NRCAM: variants seen among roughly 807,000 people sequenced by gnomAD.
NRCAM encodes NgCAM-related cell adhesion molecule.
In NRCAM, 83 loss-of-function variants were observed where a neutral mutation model predicts 156.5. The observed-to-expected ratio is 0.53, with a 90% CI of 0.44 to 0.64. The LOEUF is 0.64. Among genes scored for constraint, NRCAM ranks in the 30% least tolerant of loss-of-function variants. The pLI is 0.00. For synonymous variants in NRCAM, 538 were observed against 563.9 expected (o/e 0.95, Z 0.65); for missense variants, 1,417 against 1,597.3 (o/e 0.89, Z 1.92).
At chr7:108,321,950 T>C (rs2099007010) in intron 2 of NRCAM, among the ~76,000 whole-genome samples, 1 of 152,180 alleles carries the variant, frequency 6.6e-6, no homozygotes. Context: ...AAAAATATAG[T>C]AAAGCAGATT....
chr7:108,169,684 C>T (rs546446741), intron 28 of NRCAM, among the ~76,000 whole-genome samples: 19 of 152,180 alleles, frequency 1.2e-4, no homozygotes, highest in Non-Finnish European at 1.6e-4. Flanking sequence ...CTTCTGTGGA[C>T]CTAATTAATT....
At chr7:108,334,420 T>C (rs1593884070) in intron 2 of NRCAM, among the ~76,000 whole-genome samples, 1 of 152,204 alleles carries the variant, frequency 6.6e-6, no homozygotes. Context: ...ATCCATCCCC[T>C]ACCTACGACT....
chr7:108,217,584 G>C (rs909382186), intron 11 of NRCAM, among the ~76,000 whole-genome samples: 36 of 152,336 alleles, frequency 2.4e-4, no homozygotes, highest in African/African-American at 8.4e-4. Context: ...GCCTTTGACT[G>C]GGGCTGCTGC....
At chr7:108,277,933 C>T (rs774194661) in intron 3 of NRCAM, among the ~76,000 whole-genome samples, 55 of 152,146 alleles carry the variant, frequency 3.6e-4, no homozygotes, top group Admixed American at 2.3e-3. Context: ...ATGTAGATGT[C>T]CTTTTCATTG....
chr7:108,446,781 G>T (rs1334083198), intron 1 of NRCAM, among the ~76,000 whole-genome samples: 3 of 149,156 alleles, frequency 2.0e-5, no homozygotes, highest in Non-Finnish European at 4.4e-5. Context: ...AGGCTGTAGT[G>T]CAAGTGCATG....
intron 1 of NRCAM, among the ~76,000 whole-genome samples, chr7:108,424,988 A>C (rs1337087820): frequency 6.6e-6 from 1 of 152,194 alleles, no homozygotes; most frequent in Admixed American, 6.5e-5. Context: ...GATGGTACAT[A>C]GCTAGTGCAT....
At chr7:108,377,145 C>T (rs1289584085) in intron 2 of NRCAM, among the ~76,000 whole-genome samples, 1 of 152,062 alleles carries the variant, frequency 6.6e-6, no homozygotes, top group Non-Finnish European at 1.5e-5. Flanking sequence ...GCCTGGGAGA[C>T]CCTGCCTCCA....
At chr7:108,389,810 T>C (rs1328645940) in intron 2 of NRCAM, among the ~76,000 whole-genome samples, 1 of 152,230 alleles carries the variant, frequency 6.6e-6, no homozygotes, top group Non-Finnish European at 1.5e-5. Context: ...TCTATTGAGA[T>C]AGTCATGTGG....
chr7:108,374,973 G>A (rs535010369), intron 2 of NRCAM, among the ~76,000 whole-genome samples: 1 of 152,210 alleles, frequency 6.6e-6, no homozygotes, highest in South Asian at 2.1e-4. Flanking sequence ...AATATTTATT[G>A]AGAGTCAGTA....
chr7:108,410,257 A>C (rs1457123980), intron 1 of NRCAM, among the ~76,000 whole-genome samples: 4 of 152,248 alleles, frequency 2.6e-5, no homozygotes, highest in African/African-American at 9.6e-5. Context: ...AATTCTAGTC[A>C]CTATGACTGT....
At chr7:108,393,397 A>G (rs1462379884) in intron 2 of NRCAM, among the ~76,000 whole-genome samples, 1 of 152,156 alleles carries the variant, frequency 6.6e-6, no homozygotes, top group Non-Finnish European at 1.5e-5. Context: ...TTTATATATA[A>G]TATAAACTGT....
intron 11 of NRCAM, among the ~76,000 whole-genome samples, chr7:108,221,217 C>T (rs545264688): frequency 4.0e-4 from 61 of 152,198 alleles, no homozygotes; most frequent in African/African-American, 1.3e-3. Flanking sequence ...GGCATGGATG[C>T]GGTTATCAGG....
chr7:108,334,871 T>C (rs936405621), intron 2 of NRCAM, among the ~76,000 whole-genome samples: 4 of 152,168 alleles, frequency 2.6e-5, no homozygotes, highest in Non-Finnish European at 5.9e-5. Flanking sequence ...ATATTTTAGA[T>C]AAGATGAGAA....
chr7:108,313,088 A>T (rs1563219997), intron 2 of NRCAM: 1 of 152,026 alleles, frequency 6.6e-6, no homozygotes, highest in African/African-American at 2.4e-5. Flanking sequence ...TATTATTTAA[A>T]TTTTTTTATT....
chr7:108,437,165 G>A (rs776542186), intron 1 of NRCAM, among the ~76,000 whole-genome samples: 3 of 152,102 alleles, frequency 2.0e-5, no homozygotes, highest in African/African-American at 4.8e-5. Flanking sequence ...TCAGCCAGGC[G>A]CAGAAAGGCA....
chr7:108,423,787 G>A (rs1412276638), intron 1 of NRCAM, among the ~76,000 whole-genome samples: 1 of 152,188 alleles, frequency 6.6e-6, no homozygotes, highest in African/African-American at 2.4e-5. Flanking sequence ...AACACTCAGA[G>A]GCTATTGCTT....
chr7:108,235,541 G>C (rs946587647), intron 5 of NRCAM, among the ~76,000 whole-genome samples: 4 of 152,132 alleles, frequency 2.6e-5, no homozygotes, highest in South Asian at 4.1e-4. Context: ...AAAATGGCTT[G>C]ACTAGGAAGG....
In NRCAM at chr7:108,188,685, T is replaced by G. The variant is rs1417708589; in HGVS notation, c.2035+960A>C. On this transcript the variant is annotated intron_variant, in intron 20 of 32. Coordinates refer to ENST00000379028, the MANE Select transcript of NRCAM (RefSeq NM_001037132.4). ...CATCTAACCAGCTAACTCTGGCTAA[T>G]GTACCCAATGAGCTAGAAGACTGGG... Among the ~76,000 whole-genome samples the G allele has an allele frequency of 2.0e-5, 3 of 149,122 alleles. 1 individual carries two copies. Among genetic ancestry groups the G allele is most frequent in the South Asian group, 4.3e-4 (2 of 4,646 alleles).
At chr7:108,313,540 T>C (rs1179244680) in intron 2 of NRCAM, among the ~76,000 whole-genome samples, 1 of 152,176 alleles carries the variant, frequency 6.6e-6, no homozygotes, top group Non-Finnish European at 1.5e-5. Context: ...ACTCAAATAT[T>C]AGGACAACTA....
Sources: gnomAD v4.1 joint callset for allele counts (sites outside exome capture counted in the v4.1 genomes callset) on GRCh38, gnomAD v4.1.1 for gene constraint, MANE v1.5 for transcripts, NCBI Gene and HGNC (gene_info 2026-07-23, HGNC 2026-07-21) for gene names.